RHOBTB1: variants seen among roughly 807,000 people sequenced by gnomAD.
RHOBTB1 encodes the protein rho-related BTB domain-containing protein 1.
In RHOBTB1, 40 loss-of-function variants were observed where a neutral mutation model predicts 71.6. That is an observed-to-expected ratio of 0.56 (90% CI 0.43 to 0.73). The LOEUF (loss-of-function observed/expected upper bound fraction) is 0.73, where lower values mean the gene tolerates loss of function less well. RHOBTB1 is among the 30% of genes least tolerant of loss of function. The pLI, the probability that RHOBTB1 is intolerant of heterozygous loss-of-function variation, is 0.00. For synonymous variants in RHOBTB1, 319 were observed against 334.9 expected, an observed-to-expected ratio of 0.95 and a Z score of 0.52; for missense variants, 797 against 894.0, an observed-to-expected ratio of 0.89 and a Z score of 1.38.
chr10:60,956,412 C>G (rs1328012783), intron 2 of RHOBTB1, among the ~76,000 whole-genome samples: 3 of 152,160 alleles, frequency 2.0e-5, no homozygotes, highest in Non-Finnish European at 4.4e-5. Context: ...TTTATAAACA[C>G]TGTACTCTCA....
intron 2 of RHOBTB1, among the ~76,000 whole-genome samples, chr10:60,924,344 A>C (rs1205744392): frequency 6.6e-6 from 1 of 152,186 alleles, no homozygotes; most frequent in Non-Finnish European, 1.5e-5. Flanking sequence ...CCGCCAAAAA[A>C]GAGCAGAATT....
At chr10:60,890,096 A>G (rs1392348853) in intron 5 of RHOBTB1, among the ~76,000 whole-genome samples, 1 of 152,184 alleles carries the variant, frequency 6.6e-6, no homozygotes, top group Admixed American at 6.5e-5. Flanking sequence ...TCACATTTTC[A>G]GGCTGCTGAG....
At chr10:60,910,473 T>C (rs112819081) in intron 4 of RHOBTB1, among the ~76,000 whole-genome samples, 6 of 152,330 alleles carry the variant, frequency 3.9e-5, no homozygotes, top group African/African-American at 1.2e-4. Flanking sequence ...CAAATAACAT[T>C]AGACTCTGCC....
chr10:60,997,784 C>T lies in RHOBTB1; in HGVS notation c.-163+3615G>A, dbSNP rs561724660. Among the ~76,000 whole-genome samples the T allele has an allele frequency of 2.6e-5, 4 of 152,302 alleles. No homozygotes were observed. The South Asian group carries it at 6.2e-4, about 24-fold the overall frequency. Reference sequence around the variant, plus strand: ...AATAGGTTATACATACTAAGATGTTCTAATGCTGCTACTCAGGATTGGTCT... The same window carrying T: ...AATAGGTTATACATACTAAGATGTTTTAATGCTGCTACTCAGGATTGGTCT... On this transcript the variant is annotated intron_variant, in intron 1 of 11. Coordinates refer to the RHOBTB1 transcript ENST00000357917.
intron 5 of RHOBTB1, 40 bp from the exon 6 acceptor site, chr10:60,889,225 T>C (rs1564819540): frequency 6.5e-7 from 1 of 1,545,740 alleles, no homozygotes; most frequent in South Asian, 1.3e-5. Context: ...CAGCCTTGTT[T>C]TAGGAAAAAA....
At chr10:60,997,207 C>A (rs1334706559) in intron 1 of RHOBTB1, among the ~76,000 whole-genome samples, 1 of 152,004 alleles carries the variant, frequency 6.6e-6, no homozygotes, top group African/African-American at 2.4e-5. Context: ...CCCGAAATAT[C>A]TTTTTTAAAA....
intron 4 of RHOBTB1, among the ~76,000 whole-genome samples, chr10:60,897,888 T>G (rs551062906): frequency 6.6e-6 from 1 of 152,164 alleles, no homozygotes; most frequent in Non-Finnish European, 1.5e-5. Flanking sequence ...GTATTTTTAG[T>G]AGAGATGGGG....
chr10:60,907,338 C>T (rs528455905), intron 4 of RHOBTB1, among the ~76,000 whole-genome samples: 2 of 152,270 alleles, frequency 1.3e-5, no homozygotes, highest in East Asian at 3.9e-4. Flanking sequence ...ATAAGAGCTC[C>T]AGGAGACAAC....
chr10:60,918,088 C>G (rs1018407421), intron 2 of RHOBTB1, among the ~76,000 whole-genome samples: 3 of 152,164 alleles, frequency 2.0e-5, no homozygotes, highest in African/African-American at 7.2e-5. Flanking sequence ...ATTTCATACA[C>G]TGAACGAATC....
the RHOBTB1 span, among the ~76,000 whole-genome samples, chr10:60,862,688 CCTCTTTCTTTT>C: frequency 7.0e-6 from 1 of 142,100 alleles, no homozygotes; most frequent in African/African-American, 2.6e-5. Flanking sequence ...CTCTTTACTT[CCTCTTTCTTTT>C]CTCTTTCTTT....
intron 7 of RHOBTB1, among the ~76,000 whole-genome samples, chr10:60,879,441 C>T (rs1197864943): frequency 6.6e-6 from 1 of 152,068 alleles, no homozygotes; most frequent in Admixed American, 6.6e-5. Context: ...TCAAGCAATC[C>T]TCCCACCTCC....
upstream of RHOBTB1, among the ~76,000 whole-genome samples, chr10:60,945,379 A>G (rs1308039714): frequency 6.6e-6 from 1 of 152,204 alleles, no homozygotes; most frequent in Non-Finnish European, 1.5e-5. Flanking sequence ...ACCGGTTCTC[A>G]GGTAATGTGT....
At chr10:60,982,343 T>C (rs1297643377) in intron 2 of RHOBTB1, among the ~76,000 whole-genome samples, 1 of 152,166 alleles carries the variant, frequency 6.6e-6, no homozygotes, top group Non-Finnish European at 1.5e-5. Flanking sequence ...GGATACCATT[T>C]AGGTGATGTG....
chr10:60,899,011 T>C (rs561655601), intron 4 of RHOBTB1, among the ~76,000 whole-genome samples: 5 of 152,332 alleles, frequency 3.3e-5, no homozygotes, highest in African/African-American at 1.2e-4. Flanking sequence ...GGTTCTACCA[T>C]CATAGTACAA....
chr10:60,886,226 C>G lies in RHOBTB1; in HGVS notation c.1461G>C (p.Val487=), dbSNP rs1368743482. 1 of 1,613,124 alleles carries G rather than the reference C, an allele frequency of 6.2e-7. No homozygotes were observed. The highest frequency in any genetic ancestry group is 1.3e-5 in the African/African-American group (1 of 74,874). The change falls in exon 7 of 11, where the codon GTG becomes GTC. Residue 487 remains valine (V), a synonymous_variant. Coordinates refer to ENST00000337910, the MANE Select transcript of RHOBTB1 (RefSeq NM_014836.5). ...TGGCTCCATCGTCCAATTTAAATGTCACGTCTGCCAAGGGATTGAGGAAAC... is the reference window on the plus strand; with the variant it reads ...TGGCTCCATCGTCCAATTTAAATGTGACGTCTGCCAAGGGATTGAGGAAAC... ...ECLSKGTFSD[V]TFKLDDGAIS...
intron 9 of RHOBTB1, among the ~76,000 whole-genome samples, chr10:60,873,389 C>T (rs182649940): frequency 1.3e-5 from 2 of 152,320 alleles, no homozygotes; most frequent in East Asian, 1.9e-4. Context: ...CTCAAGCTGA[C>T]TGTTAAACAC....
intron 1 of RHOBTB1, among the ~76,000 whole-genome samples, chr10:60,991,821 A>G (rs1054983744): frequency 1.3e-5 from 2 of 152,054 alleles, no homozygotes; most frequent in Non-Finnish European, 2.9e-5. Flanking sequence ...GGTCTAGTTG[A>G]TGCCTGTGCA....
intron 1 of RHOBTB1, among the ~76,000 whole-genome samples, chr10:61,001,045 T>C (rs2087246851): frequency 6.7e-6 from 1 of 149,960 alleles, no homozygotes; most frequent in Non-Finnish European, 1.5e-5. Context: ...CCTCCGCCAG[T>C]GTGTGTGTGT....
At chr10:60,905,449 CAAAAAAAA>C (rs35538782) in intron 4 of RHOBTB1, among the ~76,000 whole-genome samples, 5 of 48,990 alleles carry the variant, frequency 1.0e-4, no homozygotes, top group South Asian at 1.0e-3. Context: ...GACTCTTTCT[CAAAAAAAA>C]AAAAAAAAAA....
Sources: allele counts gnomAD v4.1 joint callset (sites outside exome capture counted in the v4.1 genomes callset), GRCh38; gene constraint gnomAD v4.1.1; transcripts MANE v1.5; gene names NCBI Gene and HGNC (gene_info 2026-07-23, HGNC 2026-07-21).